PLXDC2: variants seen among roughly 807,000 people sequenced by gnomAD.
PLXDC2 encodes plexin domain containing 2.
In PLXDC2, 40 loss-of-function variants were observed where a neutral mutation model predicts 68.9. The ratio of observed to expected loss-of-function variants is 0.58; its 90% CI spans 0.45 to 0.76. The LOEUF (loss-of-function observed/expected upper bound fraction) is 0.76, where lower values mean the gene tolerates loss of function less well. Ranked by LOEUF, PLXDC2 falls within the 30% of genes least tolerant of loss-of-function variation. PLXDC2 has a pLI of 0.00. For missense variants in PLXDC2, 644 were observed against 661.9 expected, an observed-to-expected ratio of 0.97 and a Z score of 0.30; for synonymous variants, 243 against 234.2, an observed-to-expected ratio of 1.04 and a Z score of -0.34.
intron 1 of PLXDC2, among the ~76,000 whole-genome samples, chr10:19,902,664 C>T (rs1424968872): frequency 6.6e-6 from 1 of 152,070 alleles, no homozygotes; most frequent in East Asian, 1.9e-4. Flanking sequence ...AATTGGGATG[C>T]CCTTGATTTC....
chr10:19,923,370 A>G (rs779094334), intron 1 of PLXDC2, among the ~76,000 whole-genome samples: 5 of 152,242 alleles, frequency 3.3e-5, no homozygotes, highest in Non-Finnish European at 5.9e-5. Flanking sequence ...AATTATTTTG[A>G]TGAAACATAA....
At chr10:20,139,629 A>G (rs1254374791) in intron 4 of PLXDC2, among the ~76,000 whole-genome samples, 1 of 152,230 alleles carries the variant, frequency 6.6e-6, no homozygotes, top group Non-Finnish European at 1.5e-5. Context: ...GATAGACTGG[A>G]TAAAGAAAAT....
chr10:20,027,344 G>A (rs1835422204), intron 2 of PLXDC2, among the ~76,000 whole-genome samples: 1 of 151,978 alleles, frequency 6.6e-6, no homozygotes, highest in South Asian at 2.1e-4. Flanking sequence ...TATGAAAAGG[G>A]TGTGAATCAC....
intron 2 of PLXDC2, among the ~76,000 whole-genome samples, chr10:20,005,738 G>A (rs7913540): frequency 1.8e-4 from 27 of 152,044 alleles, no homozygotes; most frequent in African/African-American, 6.5e-4. Flanking sequence ...CATCACCAAG[G>A]GAATGGCACT....
In PLXDC2 at chr10:19,927,713, C is replaced by CAAAAAAAAAAA. The variant is rs35250324; in HGVS notation, c.113-74047_113-74037dup. On this transcript the variant is annotated intron_variant, in intron 1 of 13. Coordinates refer to ENST00000377252, the MANE Select transcript of PLXDC2 (RefSeq NM_032812.9). ...GAGACTCCATCTCAAGGAAAAAAAG[C>CAAAAAAAAAAA]AAAAAAAAAAAAAAAAAAAAAAAAA... Among the ~76,000 whole-genome samples the CAAAAAAAAAAA allele has an allele frequency of 3.4e-4, 18 of 53,144 alleles. 1 individual carries two copies. Among genetic ancestry groups the CAAAAAAAAAAA allele is most frequent in the East Asian group, 7.8e-4 (1 of 1,288 alleles). 34.9% of individuals were successfully genotyped at this position (53,144 alleles called of 152,430 possible).
intron 4 of PLXDC2, among the ~76,000 whole-genome samples, chr10:20,127,179 C>G (rs1833804293): frequency 6.6e-6 from 1 of 152,038 alleles, no homozygotes; most frequent in Non-Finnish European, 1.5e-5. Context: ...CTCTTCTACT[C>G]CTTTTGAGCT....
At chr10:20,167,498 A>G (rs1399537583) in intron 7 of PLXDC2, among the ~76,000 whole-genome samples, 1 of 152,186 alleles carries the variant, frequency 6.6e-6, no homozygotes, top group Non-Finnish European at 1.5e-5. Flanking sequence ...TCCCTTATTT[A>G]GCAACACTCA....
At chr10:20,247,309 A>AT (rs1197481322) in intron 13 of PLXDC2, among the ~76,000 whole-genome samples, 1 of 151,410 alleles carries the variant, frequency 6.6e-6, no homozygotes, top group East Asian at 1.9e-4. Flanking sequence ...AAAAAAAAAA[A>AT]AAGAAAAAAA....
intron 1 of PLXDC2, among the ~76,000 whole-genome samples, chr10:19,987,875 T>C (rs1188223279): frequency 6.6e-6 from 1 of 152,112 alleles, no homozygotes; most frequent in Non-Finnish European, 1.5e-5. Flanking sequence ...GCCGATGTTA[T>C]TTGTTTTTAT....
chr10:19,817,107 G>A lies in PLXDC2; in HGVS notation c.28G>A (p.Ala10Thr). Reference protein sequence around the residue: MARFPKADLAAAGVMLLCHF... With the variant: MARFPKADLTAAGVMLLCHF... ...GGCGAGGTTCCCGAAGGCCGACCTG[G>A]CCGCTGCAGGAGTTATGTTACTTTG... The change falls in exon 1 of 14, where the codon GCC becomes ACC. Residue 10 changes from alanine (A) to threonine (T), a missense_variant. This residue lies in a region of PLXDC2 where 201 missense variants were observed against 166.9 expected (regional missense o/e 1.20). Coordinates refer to ENST00000377252, the MANE Select transcript of PLXDC2 (RefSeq NM_032812.9). 6.4e-7 allele frequency: 1 copy of A among 1,563,264 alleles called. No individual in the cohort carries two copies. Among genetic ancestry groups the A allele is most frequent in the Non-Finnish European group, 8.7e-7 (1 of 1,151,942 alleles).
intron 12 of PLXDC2, 135 bp downstream of exon 12, chr10:20,219,237 T>C (rs1387028293): frequency 2.2e-6 from 2 of 915,884 alleles, no homozygotes; most frequent in African/African-American, 3.5e-5. Context: ...GGATTTAACA[T>C]GGGAAGGAGT....
At position 20,053,133 on chromosome 10, in the gene PLXDC2, A is replaced by G. The variant is rs547487310; in HGVS notation, c.471+6118A>G. ...AACTTAGAAATCATTTAATTCACAT[A>G]TTTGACATGTCCAAATATATTGGTA... is the stretch of plus-strand genomic sequence containing the variant. On this transcript the variant is annotated intron_variant, in intron 3 of 13. Transcript: ENST00000377252. Among the ~76,000 whole-genome samples, 67 of 152,240 alleles carry G rather than the reference A, an allele frequency of 4.4e-4. 1 individual carries two copies. In the South Asian group the frequency reaches 0.013, roughly 30 times the overall value.
chr10:20,054,447 G>A (rs553196527), intron 3 of PLXDC2, among the ~76,000 whole-genome samples: 1 of 152,110 alleles, frequency 6.6e-6, no homozygotes, highest in African/African-American at 2.4e-5. Flanking sequence ...ATGACGGATG[G>A]AAGAATGGGT....
chr10:19,985,403 T>C (rs1377234789), intron 1 of PLXDC2, among the ~76,000 whole-genome samples: 1 of 152,246 alleles, frequency 6.6e-6, no homozygotes, highest in Non-Finnish European at 1.5e-5. Flanking sequence ...ACTTTTTCTA[T>C]AGTAGAGATT....
At chr10:19,866,492 C>T (rs1368031202) in intron 1 of PLXDC2, among the ~76,000 whole-genome samples, 1 of 152,148 alleles carries the variant, frequency 6.6e-6, no homozygotes. Flanking sequence ...ACACTAGGCC[C>T]ACATGGATAA....
chr10:20,223,933 T>G (rs530124022), intron 12 of PLXDC2, among the ~76,000 whole-genome samples: 2 of 152,152 alleles, frequency 1.3e-5, no homozygotes, highest in Middle Eastern at 6.8e-3. Context: ...AAATGTGGAT[T>G]TAATTCACCT....
At chr10:20,082,145 CAT>C (rs1836578606) in intron 4 of PLXDC2, among the ~76,000 whole-genome samples, 1 of 147,890 alleles carries the variant, frequency 6.8e-6, no homozygotes, top group Non-Finnish European at 1.5e-5. Flanking sequence ...AATATAATGT[CAT>C]ATTGTGGATA....
chr10:20,240,945 T>C (rs1395580166), intron 12 of PLXDC2, among the ~76,000 whole-genome samples: 1 of 152,192 alleles, frequency 6.6e-6, no homozygotes, highest in Non-Finnish European at 1.5e-5. Flanking sequence ...TACTCATAGA[T>C]CTCTAAATAT....
chr10:19,869,028 AG>A (rs896800536), intron 1 of PLXDC2, among the ~76,000 whole-genome samples: 1 of 152,120 alleles, frequency 6.6e-6, no homozygotes, highest in African/African-American at 2.4e-5. Flanking sequence ...GGCATATTAG[AG>A]TGACTTGTCA....
Sources: gnomAD v4.1 joint callset for allele counts (sites outside exome capture counted in the v4.1 genomes callset) on GRCh38, gnomAD v4.1.1 for gene constraint, gnomAD v4.1.1 regional missense constraint, MANE v1.5 for transcripts, NCBI Gene and HGNC (gene_info 2026-07-23, HGNC 2026-07-21) for gene names.